The following ZMYM4 variants were observed in gnomAD, a reference collection of about 807,000 sequenced individuals.
ZMYM4 encodes zinc finger MYM-type protein 4.
A neutral mutation model predicts 183.2 loss-of-function variants in ZMYM4; 31 were observed. That is an observed-to-expected ratio of 0.17 (90% CI 0.13 to 0.23). The LOEUF (loss-of-function observed/expected upper bound fraction) is 0.23, where lower values mean the gene tolerates loss of function less well. Among genes scored for constraint, ZMYM4 ranks in the 10% least tolerant of loss-of-function variants. The probability of loss-of-function intolerance (pLI) is 1.00; values close to 1 mark genes in which losing one functional copy is unlikely to be tolerated. For synonymous variants in ZMYM4, 592 were observed against 631.2 expected, an observed-to-expected ratio of 0.94 and a Z score of 0.93; for missense variants, 1,273 against 1,840.3, an observed-to-expected ratio of 0.69 and a Z score of 5.64.
At chr1:35,305,016 T>G (rs548391492) in intron 1 of ZMYM4, among the ~76,000 whole-genome samples, 79 of 152,238 alleles carry the variant, frequency 5.2e-4, no homozygotes, top group African/African-American at 1.9e-3. Flanking sequence ...CAGCTAATTT[T>G]TGTATTTTTA....
At chr1:35,386,482 C>G (rs1644580873) in intron 11 of ZMYM4, among the ~76,000 whole-genome samples, 1 of 152,142 alleles carries the variant, frequency 6.6e-6, no homozygotes, top group African/African-American at 2.4e-5. Flanking sequence ...TGAGAACTCA[C>G]TATCACCAGA....
intron 2 of ZMYM4, among the ~76,000 whole-genome samples, chr1:35,347,357 A>G (rs776980508): frequency 3.3e-5 from 5 of 152,214 alleles, no homozygotes; most frequent in Non-Finnish European, 5.9e-5. Context: ...TGCAGATAGT[A>G]TGAGCTCTAG....
chr1:35,387,679 A>G, intron 13 of ZMYM4, 75 bp downstream of exon 13: 1 of 1,463,626 alleles, frequency 6.8e-7, no homozygotes, highest in Non-Finnish European at 9.2e-7. Context: ...TTAAGCTTTC[A>G]CTGTCTAAGT....
At chr1:35,343,451 T>C (rs1643277274) in intron 2 of ZMYM4, among the ~76,000 whole-genome samples, 1 of 152,224 alleles carries the variant, frequency 6.6e-6, no homozygotes, top group Non-Finnish European at 1.5e-5. Context: ...CTTGGCACTT[T>C]TGTGGGAAGT....
At chr1:35,390,951 T>G (rs1483010683) in intron 15 of ZMYM4, among the ~76,000 whole-genome samples, 2 of 152,186 alleles carry the variant, frequency 1.3e-5, no homozygotes, top group African/African-American at 4.8e-5. Flanking sequence ...GAGGACGGCT[T>G]GAGGCCAGGA....
At position 35,334,153 on chromosome 1, in the gene ZMYM4, A is replaced by G. The variant is rs1175903997; in HGVS notation, c.85+8748A>G. Among the ~76,000 whole-genome samples the G allele has an allele frequency of 3.3e-5, 5 of 151,974 alleles. 1 individual carries two copies. Among genetic ancestry groups the G allele is most frequent in the East Asian group, 1.9e-4 (1 of 5,186 alleles). ...CAACATGGCGAAACTCCATCTCTAC[A>G]GAAAATACAGAAAAAATTAGTTGGG... On this transcript the variant is annotated intron_variant, in intron 2 of 29. Coordinates refer to ENST00000314607, the MANE Select transcript of ZMYM4 (RefSeq NM_005095.3).
intron 26 of ZMYM4, among the ~76,000 whole-genome samples, chr1:35,412,077 G>C (rs1333172522): frequency 1.3e-5 from 2 of 150,682 alleles, no homozygotes; most frequent in African/African-American, 2.4e-5. Flanking sequence ...ATTTTTAGTA[G>C]AGACAGGGTT....
chr1:35,340,733 T>C (rs1643169336), intron 2 of ZMYM4, among the ~76,000 whole-genome samples: 1 of 152,174 alleles, frequency 6.6e-6, no homozygotes, highest in Non-Finnish European at 1.5e-5. Context: ...GGGGAGTGGC[T>C]GTAAATACAG....
chr1:35,307,544 T>A (rs1641591328), intron 1 of ZMYM4, among the ~76,000 whole-genome samples: 2 of 148,438 alleles, frequency 1.3e-5, no homozygotes, highest in South Asian at 4.2e-4. Flanking sequence ...TTATTATTAT[T>A]TTTTTTTTGA....
chr1:35,351,060 AT>A, intron 2 of ZMYM4: 1 of 845,472 alleles, frequency 1.2e-6, no homozygotes, highest in East Asian at 2.4e-5. Flanking sequence ...TAGGTTTGGC[AT>A]GGACAAGATC....
At chr1:35,398,388 T>G (rs1423945740) in intron 20 of ZMYM4, 25 bp from the exon 21 acceptor site, 1 of 1,600,390 alleles carries the variant, frequency 6.2e-7, no homozygotes, top group African/African-American at 1.3e-5. Flanking sequence ...ACATAAATTA[T>G]TTATGTGCTT....
chr1:35,289,605 G>T (rs1640662753), intron 1 of ZMYM4, among the ~76,000 whole-genome samples: 1 of 152,166 alleles, frequency 6.6e-6, no homozygotes, highest in South Asian at 2.1e-4. Flanking sequence ...TGAATCAGGG[G>T]TTCTCAACGT....
chr1:35,355,126 C>G (rs894821510), intron 2 of ZMYM4, among the ~76,000 whole-genome samples: 18 of 151,684 alleles, frequency 1.2e-4, no homozygotes, highest in African/African-American at 3.9e-4. Flanking sequence ...CTTCGCCTTC[C>G]AGGTTCACGC....
At chr1:35,377,239 G>A (rs969495414) in intron 7 of ZMYM4, among the ~76,000 whole-genome samples, 3 of 152,118 alleles carry the variant, frequency 2.0e-5, no homozygotes, top group Non-Finnish European at 4.4e-5. Context: ...TAAGGGTTTC[G>A]TTAATGTCTG....
At position 35,412,093 on chromosome 1, in the gene ZMYM4, G is replaced by A. The variant is rs556638499; in HGVS notation, c.3949-1879G>A. Reference sequence around the variant, plus strand: ...TTTTTAGTAGAGACAGGGTTTCACCGTGGTCTCGATCTCCTGACCTTGTGA... The same window carrying A: ...TTTTTAGTAGAGACAGGGTTTCACCATGGTCTCGATCTCCTGACCTTGTGA... On this transcript the variant is annotated intron_variant, in intron 26 of 29. Transcript: ENST00000314607. 1.2e-4 allele frequency among the ~76,000 whole-genome samples: 18 copies of A among 150,706 alleles called. No individual in the cohort carries two copies. In the East Asian group the frequency reaches 1.6e-3, roughly 13 times the overall value.
At chr1:35,329,593 G>A (rs989456307) in intron 2 of ZMYM4, among the ~76,000 whole-genome samples, 3 of 152,160 alleles carry the variant, frequency 2.0e-5, no homozygotes, top group Non-Finnish European at 4.4e-5. Flanking sequence ...AAAAGTAAGA[G>A]CATTGCCGAT....
At chr1:35,293,244 A>G (rs537054862) in intron 1 of ZMYM4, among the ~76,000 whole-genome samples, 6 of 151,948 alleles carry the variant, frequency 3.9e-5, no homozygotes, top group Admixed American at 3.3e-4. Flanking sequence ...GGCTCAAATG[A>G]TCCTCCTGCC....
At chr1:35,349,492 T>G (rs1449829993) in intron 2 of ZMYM4, among the ~76,000 whole-genome samples, 1 of 152,184 alleles carries the variant, frequency 6.6e-6, no homozygotes, top group African/African-American at 2.4e-5. Flanking sequence ...GGAAATTATA[T>G]TTTATTGAAT....
intron 15 of ZMYM4, among the ~76,000 whole-genome samples, chr1:35,391,966 G>A (rs1204943732): frequency 6.6e-6 from 1 of 152,058 alleles, no homozygotes; most frequent in Non-Finnish European, 1.5e-5. Flanking sequence ...GCTTGAACCC[G>A]GGAGGTGGAG....
Sources: allele counts gnomAD v4.1 joint callset (sites outside exome capture counted in the v4.1 genomes callset), GRCh38; gene constraint gnomAD v4.1.1; transcripts MANE v1.5; gene names NCBI Gene and HGNC (gene_info 2026-07-23, HGNC 2026-07-21).